The following TBX2 variants were observed in gnomAD, a reference collection of about 807,000 sequenced individuals.
TBX2 encodes T-box transcription factor 2.
In TBX2, 19 loss-of-function variants were observed where a neutral mutation model predicts 48.4. The ratio of observed to expected loss-of-function variants is 0.39; its 90% CI spans 0.27 to 0.58. The LOEUF is 0.58. Ranked by LOEUF, TBX2 falls within the 20% of genes least tolerant of loss-of-function variation. The pLI is 0.54. For missense variants in TBX2, 994 were observed against 1,006.5 expected (o/e 0.99, Z 0.17); for synonymous variants, 522 against 459.7 (o/e 1.14, Z -1.73).
Position 61,404,468 on chromosome 17 carries a change from G to A in TBX2, c.858G>A (p.Arg286=), listed in dbSNP as rs761768545. The change falls in exon 4 of 7, where the codon CGG becomes CGA. Residue 286 remains arginine, a synonymous_variant. Transcript: ENST00000240328. The part of the protein sequence containing the change: ...IDNNPFAKGF[R]DTGNGRREKR... The stretch of plus-strand genomic sequence containing the variant: ...ACAACCCGTTTGCCAAGGGCTTCCG[G>A]GACACCGGGAACGGCCGGCGGGAGA... 6.2e-7 allele frequency: 1 copy of A among 1,612,236 alleles called. No individual in the cohort carries two copies. The highest frequency in any genetic ancestry group is 1.1e-5 in the South Asian group (1 of 90,784).
chr17:61,402,994 T>A, intron 2 of TBX2, 67 bp from the exon 3 acceptor site: 3 of 1,428,492 alleles, frequency 2.1e-6, no homozygotes, highest in African/African-American at 1.8e-5. Flanking sequence ...AGAGGTCAGG[T>A]ACCCAAAGAA....
Position 61,408,106 on chromosome 17 carries a change from T to TGGC in TBX2, c.1740_1742dup (p.Ala587dup), listed in dbSNP as rs2143737404. 1 of 1,609,772 alleles carries TGGC rather than the reference T, an allele frequency of 6.2e-7. No individual in the cohort carries two copies. Among genetic ancestry groups the TGGC allele is most frequent in the Non-Finnish European group, 8.5e-7 (1 of 1,178,912 alleles). ...CTCTTCCCCTACCCCTACACCTACA[T>TGGC]GGCAGCAGCAGCCGCAGCCGCCTCG... On this transcript the variant is annotated inframe_insertion, in exon 7 of 7. Coordinates refer to ENST00000240328, the MANE Select transcript of TBX2 (RefSeq NM_005994.4).
chr17:61,402,804 A>T (rs890582775), intron 2 of TBX2, among the ~76,000 whole-genome samples: 3 of 151,062 alleles, frequency 2.0e-5, no homozygotes, highest in African/African-American at 7.3e-5. Context: ...CAACTGGGAA[A>T]TTTTTTTTAA....
At position 61,403,391 on chromosome 17, in the gene TBX2, T is replaced by G. The variant is rs1313217061; in HGVS notation, c.810+184T>G. On this transcript the variant is annotated intron_variant, in intron 3 of 6. Coordinates refer to ENST00000240328, the MANE Select transcript of TBX2 (RefSeq NM_005994.4). This position sits in a 1 kb window ranked among gnomAD's most constrained non-coding sequence, Gnocchi z 5.8. Reference sequence around the variant, plus strand: ...TCACGGAAGTCCTCAAGGCGCCCTCTCAATCCCACCGCGCGCACACACAGG... The same window carrying G: ...TCACGGAAGTCCTCAAGGCGCCCTCGCAATCCCACCGCGCGCACACACAGG... 6.6e-6 allele frequency among the ~76,000 whole-genome samples: 1 copy of G among 152,200 alleles called. No homozygotes were observed. Among genetic ancestry groups the G allele is most frequent in the African/African-American group, 2.4e-5 (1 of 41,444 alleles).
At position 61,400,621 on chromosome 17, in the gene TBX2, GGCACGGGACT is replaced by G; in HGVS notation, c.395+57_395+66del. ...GCGCGCGGGCGGGCGGGCGGGCTGG[GGCACGGGACT>G]GCACGGATCAGAGCAGAGCTGGGGA... On this transcript the variant is annotated intron_variant, in intron 1 of 6. Transcript: ENST00000240328. The surrounding 1 kb of genome is among the most constrained non-coding windows in gnomAD (Gnocchi z 9.2). The G allele has an allele frequency of 1.3e-6, 2 of 1,510,134 alleles. No individual in the cohort carries two copies. The highest frequency in any genetic ancestry group is 1.8e-6 in the Non-Finnish European group (2 of 1,117,840). The allele number at this position is 1,510,134 out of a possible 1,614,324, so 93.5% of individuals were successfully genotyped here.
chr17:61,400,604 G>A lies in TBX2; in HGVS notation c.395+33G>A, dbSNP rs2060260307. 1 of 1,527,394 alleles carries A rather than the reference G, an allele frequency of 6.5e-7. No individual in the cohort carries two copies. The highest frequency in any genetic ancestry group is 8.8e-7 in the Non-Finnish European group (1 of 1,132,252). The allele number at this position is 1,527,394 out of a possible 1,614,324, so 94.6% of individuals were successfully genotyped here. ...TGCCGGCCGGCTGGAAGGCGCGCGG[G>A]CGGGCGGGCGGGCTGGGGCACGGGA... On this transcript the variant is annotated intron_variant, in intron 1 of 6. Transcript: ENST00000240328. This position sits in a 1 kb window ranked among gnomAD's most constrained non-coding sequence, Gnocchi z 9.2.
intron 6 of TBX2, chr17:61,407,385 G>A (rs1296866779): frequency 6.6e-6 from 1 of 152,264 alleles, no homozygotes; most frequent in Non-Finnish European, 1.5e-5. Flanking sequence ...GCACCAGCCA[G>A]ACCTCATGAA....
chr17:61,400,365 G>GGCC lies in TBX2; in HGVS notation c.191_192insCGC (p.Ala71dup). 1 of 1,027,468 alleles carries GGCC rather than the reference G, an allele frequency of 9.7e-7. No homozygotes were observed. Among genetic ancestry groups the GGCC allele is most frequent in the Non-Finnish European group, 1.2e-6 (1 of 858,732 alleles). 63.6% of individuals were successfully genotyped at this position (1,027,468 alleles called of 1,614,324 possible). On this transcript the variant is annotated inframe_insertion, in exon 1 of 7. Coordinates refer to ENST00000240328, the MANE Select transcript of TBX2 (RefSeq NM_005994.4). This position sits in a 1 kb window ranked among gnomAD's most constrained non-coding sequence, Gnocchi z 9.2. ...CGGGCCTGGCGGGGGCGGCGGCCGC[G>GGCC]GCGGCGGCGGCGGCAGCAGCGGCCG...
At chr17:61,402,385 A>G (rs962999964) in intron 2 of TBX2, among the ~76,000 whole-genome samples, 10 of 152,058 alleles carry the variant, frequency 6.6e-5, no homozygotes, top group African/African-American at 2.4e-4. Context: ...CCCCAAGACT[A>G]GGGGATTTAA....
At chr17:61,404,015 G>T (rs966579167) in intron 3 of TBX2, among the ~76,000 whole-genome samples, 13 of 152,200 alleles carry the variant, frequency 8.5e-5, no homozygotes, top group Admixed American at 6.5e-4. Flanking sequence ...GTGCGAGCCC[G>T]TGAGTGTGAT....
In TBX2 at chr17:61,403,133, C is replaced by T; in HGVS notation, c.736C>T (p.Pro246Ser). The change falls in exon 3 of 7, where the codon CCT (proline) becomes TCT (serine). Residue 246 changes from proline (P) to serine (S), a missense_variant. Transcript: ENST00000240328. This position sits in a 1 kb window ranked among gnomAD's most constrained non-coding sequence, Gnocchi z 5.8. ...GCGAGCCAACGACATCCTGAAGCTG[C>T]CTTACAGCACCTTCCGCACCTACGT... The part of the protein sequence containing the change: ...IVRANDILKL[P>S]YSTFRTYVFP... The T allele has an allele frequency of 6.2e-7, 1 of 1,613,858 alleles. No individual in the cohort carries two copies. The highest frequency in any genetic ancestry group is 8.5e-7 in the Non-Finnish European group (1 of 1,180,018).
At chr17:61,404,320 G>A in intron 3 of TBX2, 101 bp from the exon 4 acceptor site, 10 of 1,406,596 alleles carry the variant, frequency 7.1e-6, no homozygotes, top group Non-Finnish European at 9.6e-6. Context: ...GACGCTCCCC[G>A]GGTCTTCCCT....
Position 61,403,391 on chromosome 17 carries a change from T to A in TBX2, c.810+184T>A, listed in dbSNP as rs1313217061. 2.0e-5 allele frequency among the ~76,000 whole-genome samples: 3 copies of A among 152,200 alleles called. No homozygotes were observed. Among genetic ancestry groups the A allele is most frequent in the Non-Finnish European group, 4.4e-5 (3 of 68,036 alleles). The stretch of plus-strand genomic sequence containing the variant: ...TCACGGAAGTCCTCAAGGCGCCCTC[T>A]CAATCCCACCGCGCGCACACACAGG... On this transcript the variant is annotated intron_variant, in intron 3 of 6. Transcript: ENST00000240328. This position sits in a 1 kb window ranked among gnomAD's most constrained non-coding sequence, Gnocchi z 5.8.
At chr17:61,407,953 C>G in intron 6 of TBX2, 101 bp from the exon 7 acceptor site, 1 of 1,424,428 alleles carries the variant, frequency 7.0e-7, no homozygotes, top group Non-Finnish European at 9.4e-7. Context: ...TTTTACATCC[C>G]TAAAACAGAA....
In TBX2 at chr17:61,403,183, C is replaced by T. The variant is rs989560969; in HGVS notation, c.786C>T (p.Ala262=). Residue 262 remains alanine (A), a synonymous_variant, in exon 3 of 7, where the codon GCC becomes GCT. Transcript: ENST00000240328. The surrounding 1 kb of genome is among the most constrained non-coding windows in gnomAD (Gnocchi z 5.8). ...TYVFPETDFI[A]VTAYQNDKIT... ...TGTTCCCGGAGACCGACTTCATCGCCGTCACTGCCTACCAGAATGACAAGG... is the reference window on the plus strand; with the variant it reads ...TGTTCCCGGAGACCGACTTCATCGCTGTCACTGCCTACCAGAATGACAAGG... 6.2e-7 allele frequency: 1 copy of T among 1,613,460 alleles called. No individual in the cohort carries two copies. The highest frequency in any genetic ancestry group is 8.5e-7 in the Non-Finnish European group (1 of 1,180,032).
At position 61,400,610 on chromosome 17, in the gene TBX2, G is replaced by A; in HGVS notation, c.395+39G>A. ...CCGGCTGGAAGGCGCGCGGGCGGGC[G>A]GGCGGGCTGGGGCACGGGACTGCAC... On this transcript the variant is annotated intron_variant, in intron 1 of 6. Coordinates refer to ENST00000240328, the MANE Select transcript of TBX2 (RefSeq NM_005994.4). The surrounding 1 kb of genome is among the most constrained non-coding windows in gnomAD (Gnocchi z 9.2). The A allele has an allele frequency of 2.6e-6, 4 of 1,518,916 alleles. No individual in the cohort carries two copies. The highest frequency in any genetic ancestry group is 1.2e-5 in the South Asian group (1 of 83,414). The allele number at this position is 1,518,916 out of a possible 1,614,324, so 94.1% of individuals were successfully genotyped here.
intron 1 of TBX2, among the ~76,000 whole-genome samples, chr17:61,401,216 C>T (rs1240941620): frequency 1.3e-5 from 2 of 152,100 alleles, no homozygotes; most frequent in Non-Finnish European, 2.9e-5. Flanking sequence ...ACCCTCTTCC[C>T]CCGAACTGCA....
chr17:61,405,680 C>G lies in TBX2; in HGVS notation c.1530C>G (p.His510Gln), dbSNP rs1011114587. The G allele has an allele frequency of 3.1e-5, 44 of 1,410,464 alleles. No individual in the cohort carries two copies. The highest frequency in any genetic ancestry group is 4.0e-5 in the Non-Finnish European group (44 of 1,087,564). 87.4% of individuals were successfully genotyped at this position (1,410,464 alleles called of 1,614,324 possible). ...CCTTCTCCGCCATGGGCATGGGTCA[C>G]CTACTGGCCTCGGTGGCAGGCGGCG... ...PGAFSAMGMG[H>Q]LLASVAGGGN... The change falls in exon 6 of 7, where the codon CAC becomes CAG. Residue 510 changes from histidine to glutamine, a missense_variant. By Grantham distance (24) the His-to-Gln change is conservative. Around this residue, in one of 5 missense-constraint regions of TBX2, gnomAD observed 639 missense variants for 613.2 expected, o/e 1.04. Transcript: ENST00000240328.
chr17:61,405,098 T>A (rs1210187497), intron 5 of TBX2, 104 bp from the exon 6 acceptor site: 5 of 1,503,542 alleles, frequency 3.3e-6, no homozygotes, highest in Non-Finnish European at 4.4e-6. Context: ...CTCCAGCAGC[T>A]CCTCCGACTC....
Sources: allele counts gnomAD v4.1 joint callset (sites outside exome capture counted in the v4.1 genomes callset), GRCh38; gene constraint gnomAD v4.1.1; regional missense constraint gnomAD v4.1.1; non-coding constraint Gnocchi (gnomAD v3.1); transcripts MANE v1.5; gene names NCBI Gene and HGNC (gene_info 2026-07-23, HGNC 2026-07-21).